SNX29: variants seen among roughly 807,000 people sequenced by gnomAD.
The protein encoded by SNX29 is sorting nexin-29.
In SNX29, 78 loss-of-function variants were observed where a neutral mutation model predicts 102.1. That is an observed-to-expected ratio of 0.76 (90% CI 0.64 to 0.92). The LOEUF (loss-of-function observed/expected upper bound fraction) is 0.92, where lower values mean the gene tolerates loss of function less well. Ranked by LOEUF, SNX29 falls within the 40% of genes least tolerant of loss-of-function variation. The probability of loss-of-function intolerance (pLI) is 0.00; values close to 1 mark genes in which losing one functional copy is unlikely to be tolerated. For synonymous variants in SNX29, 580 were observed against 414.5 expected (o/e 1.40, Z -4.85); for missense variants, 1,280 against 1,061.7 (o/e 1.21, Z -2.86).
chr16:12,384,913 A>G (rs538086063), intron 16 of SNX29, among the ~76,000 whole-genome samples: 6 of 152,330 alleles, frequency 3.9e-5, no homozygotes, highest in Admixed American at 1.3e-4. Context: ...GCTCCTGCCT[A>G]TAATCCCAGC....
rs185748081 is a variant in SNX29 at position 12,317,482 on chromosome 16, C to T, written c.1783-38681C>T. Among the ~76,000 whole-genome samples, 151 of 152,306 alleles carry T rather than the reference C, an allele frequency of 9.9e-4. 2 individuals are homozygous for T. The highest frequency in any genetic ancestry group is 5.6e-3 in the East Asian group (29 of 5,184). ...CCCACATCCTAGGGTGACTTGAGAA[C>T]CTGGTGGCCCTTCCTGTGCCTTTAG... On this transcript the variant is annotated intron_variant, in intron 15 of 20. Coordinates refer to ENST00000566228, the MANE Select transcript of SNX29 (RefSeq NM_032167.5).
intron 14 of SNX29, among the ~76,000 whole-genome samples, chr16:12,271,855 T>G (rs1301710922): frequency 6.6e-6 from 1 of 152,158 alleles, no homozygotes; most frequent in African/African-American, 2.4e-5. Flanking sequence ...ACTCCTAACC[T>G]CAAGTGATCC....
chr16:12,539,092 A>C (rs755078900), intron 20 of SNX29, among the ~76,000 whole-genome samples: 10 of 152,256 alleles, frequency 6.6e-5, no homozygotes, highest in African/African-American at 2.4e-4. Context: ...TAGATTGCCC[A>C]GAGTCCTACT....
chr16:12,408,358 C>T (rs1372814653), intron 18 of SNX29, among the ~76,000 whole-genome samples: 1 of 152,220 alleles, frequency 6.6e-6, no homozygotes, highest in Non-Finnish European at 1.5e-5. Context: ...GTGGTGCACA[C>T]ATTATCCAGC....
Position 12,451,779 on chromosome 16 carries a change from G to A in SNX29, c.2038-25940G>A, listed in dbSNP as rs146960862. On this transcript the variant is annotated intron_variant, in intron 18 of 20. Transcript: ENST00000566228. ...CTAGGGAGGCTGAGGCAGCAGAATC[G>A]CTTGAACCTGGAAGGCAGAAGTTGC... Among the ~76,000 whole-genome samples, 196 of 152,282 alleles carry A rather than the reference G, an allele frequency of 1.3e-3. 1 individual carries two copies. The highest frequency in any genetic ancestry group is 4.5e-3 in the African/African-American group (187 of 41,550).
intron 13 of SNX29, among the ~76,000 whole-genome samples, chr16:12,178,004 C>G (rs186953785): frequency 6.6e-6 from 1 of 152,204 alleles, no homozygotes; most frequent in Non-Finnish European, 1.5e-5. Context: ...AGTGATAACC[C>G]GTAGTCTACT....
chr16:12,017,126 C>T (rs1157364041), intron 3 of SNX29, among the ~76,000 whole-genome samples: 1 of 152,188 alleles, frequency 6.6e-6, no homozygotes, highest in East Asian at 1.9e-4. Context: ...GAGACCCTAT[C>T]TCAACAACAG....
At chr16:11,985,805 C>T (rs2055598371) in intron 1 of SNX29, among the ~76,000 whole-genome samples, 1 of 150,160 alleles carries the variant, frequency 6.7e-6, no homozygotes, top group Admixed American at 6.6e-5. Context: ...TCTTCCTGAG[C>T]AGCTGAAAGG....
intron 16 of SNX29, among the ~76,000 whole-genome samples, chr16:12,364,703 A>G (rs2082410415): frequency 6.6e-6 from 1 of 152,186 alleles, no homozygotes; most frequent in Non-Finnish European, 1.5e-5. Context: ...AGCTCACTTC[A>G]TATAATGGAC....
At chr16:12,513,345 CCTGCT>C (rs933788980) in intron 19 of SNX29, among the ~76,000 whole-genome samples, 2 of 149,500 alleles carry the variant, frequency 1.3e-5, no homozygotes, top group Non-Finnish European at 3.0e-5. Flanking sequence ...CCTGCCCTGC[CCTGCT>C]CTCTTCTCCT....
chr16:12,346,805 G>A (rs2081824598), intron 15 of SNX29, among the ~76,000 whole-genome samples: 1 of 152,182 alleles, frequency 6.6e-6, no homozygotes, highest in South Asian at 2.1e-4. Context: ...GAGGGCTGTT[G>A]TAGGGGCCAG....
chr16:12,321,594 G>A (rs1056537393), intron 15 of SNX29, among the ~76,000 whole-genome samples: 1 of 152,164 alleles, frequency 6.6e-6, no homozygotes, highest in African/African-American at 2.4e-5. Context: ...TGAGAGATTA[G>A]GGGATGAGCT....
chr16:12,347,202 A>G (rs1186264723), intron 15 of SNX29, among the ~76,000 whole-genome samples: 2 of 151,672 alleles, frequency 1.3e-5, no homozygotes, highest in Non-Finnish European at 2.9e-5. Flanking sequence ...GTGACTCTGC[A>G]GACAGAGCCT....
At chr16:12,544,953 G>A (rs1335893619) in intron 20 of SNX29, among the ~76,000 whole-genome samples, 15 of 152,324 alleles carry the variant, frequency 9.8e-5, no homozygotes, top group South Asian at 2.1e-4. Context: ...ATTTCCAGAT[G>A]AGGAAACAGG....
intron 18 of SNX29, among the ~76,000 whole-genome samples, chr16:12,432,104 G>A (rs2085340057): frequency 3.3e-5 from 5 of 152,216 alleles, no homozygotes; most frequent in Admixed American, 2.6e-4. Flanking sequence ...TGGAGGGGAC[G>A]AGGACACAGG....
chr16:12,287,680 A>C (rs2079643221), intron 15 of SNX29, among the ~76,000 whole-genome samples: 1 of 152,222 alleles, frequency 6.6e-6, no homozygotes, highest in Non-Finnish European at 1.5e-5. Flanking sequence ...TAGTATTGTC[A>C]AATATCTGGT....
intron 3 of SNX29, among the ~76,000 whole-genome samples, chr16:12,010,623 AAAAC>A (rs370695856): frequency 3.5e-4 from 54 of 152,180 alleles, no homozygotes; most frequent in African/African-American, 1.2e-3. Context: ...ACCTCGTCTC[AAAAC>A]AAACAAACAA....
At chr16:12,534,279 G>A (rs748522588) in intron 20 of SNX29, among the ~76,000 whole-genome samples, 13 of 152,230 alleles carry the variant, frequency 8.5e-5, no homozygotes, top group Non-Finnish European at 1.6e-4. Flanking sequence ...CACACCTGCC[G>A]TCTTTCTCCG....
intron 18 of SNX29, among the ~76,000 whole-genome samples, chr16:12,448,385 A>G (rs987903016): frequency 6.6e-6 from 1 of 152,178 alleles, no homozygotes; most frequent in Non-Finnish European, 1.5e-5. Context: ...CCTGATTCCC[A>G]TGATACATTG....
Sources: gnomAD v4.1 joint callset for allele counts (sites outside exome capture counted in the v4.1 genomes callset) on GRCh38, gnomAD v4.1.1 for gene constraint, MANE v1.5 for transcripts, NCBI Gene and HGNC (gene_info 2026-07-23, HGNC 2026-07-21) for gene names.